CUZD1: variants seen among roughly 807,000 people sequenced by gnomAD.
CUZD1 encodes CUB and zona pellucida like domains 1, also known as CUB and zona pellucida-like domain-containing protein 1.
In CUZD1, 42 loss-of-function variants were observed where a neutral mutation model predicts 53.1. The observed-to-expected ratio is 0.79, with a 90% CI of 0.62 to 1.02. CUZD1 has a LOEUF of 1.02. Ranked by LOEUF, CUZD1 falls within the 50% of genes least tolerant of loss-of-function variation. The pLI is 0.00. For missense variants in CUZD1, 670 were observed against 715.7 expected (o/e 0.94, Z 0.73); for synonymous variants, 238 against 257.2 (o/e 0.93, Z 0.71).
intron 1 of CUZD1, among the ~76,000 whole-genome samples, chr10:122,844,918 T>C (rs1297782297): frequency 6.6e-6 from 1 of 152,144 alleles, no homozygotes; most frequent in African/African-American, 2.4e-5. Context: ...AAAACCTTGG[T>C]GTAAATTCTT....
Position 122,839,165 on chromosome 10 carries a change from C to T in CUZD1, c.300G>A (p.Gly100=), listed in dbSNP as rs548655795. 1.2e-6 allele frequency: 2 copies of T among 1,614,140 alleles called. No individual in the cohort carries two copies. The highest frequency in any genetic ancestry group is 1.1e-5 in the South Asian group (1 of 91,080). Residue 100 remains glycine (G), a synonymous_variant, in exon 3 of 9, where the codon GGG becomes GGA. Coordinates refer to ENST00000392790, the MANE Select transcript of CUZD1 (RefSeq NM_022034.6). The part of the protein sequence containing the change: ...IKVFDGTSSN[G]PLLGQVCSKN... ...TACTGCAGACTTGCCCTAGCAGAGG[C>T]CCATTGCTGGAGGTTCCGTCAAAGA...
intron 8 of CUZD1, 86 bp downstream of exon 8, chr10:122,833,586 C>T: frequency 7.4e-7 from 1 of 1,359,062 alleles, no homozygotes; most frequent in Non-Finnish European, 1.0e-6. Flanking sequence ...AATCTCTAAA[C>T]TGTACATGCT....
At position 122,832,329 on chromosome 10, in the gene CUZD1, A is replaced by G; in HGVS notation, c.1773T>C (p.His591=). Reference sequence around the variant, plus strand: ...TGTAGTCTGCCCGTTGATTTACAAAATGCCTCACTGTGATTGTCGCTACAG... The same window carrying G: ...TGTAGTCTGCCCGTTGATTTACAAAGTGCCTCACTGTGATTGTCGCTACAG... The part of the protein sequence containing the change: ...VVTVATITVR[H]FVNQRADYKY... Residue 591 remains histidine, a synonymous_variant, in exon 9 of 9, where the codon CAT becomes CAC. Coordinates refer to ENST00000392790, the MANE Select transcript of CUZD1 (RefSeq NM_022034.6). 6.2e-7 allele frequency: 1 copy of G among 1,614,174 alleles called. No individual in the cohort carries two copies. The highest frequency in any genetic ancestry group is 8.5e-7 in the Non-Finnish European group (1 of 1,180,002).
At chr10:122,840,343 C>T (rs984275972) in intron 2 of CUZD1, among the ~76,000 whole-genome samples, 4 of 152,130 alleles carry the variant, frequency 2.6e-5, no homozygotes, top group African/African-American at 9.7e-5. Context: ...TGGTGGGGCC[C>T]AGCAGTTGTG....
At chr10:122,839,674 T>C (rs771574630) in intron 2 of CUZD1, among the ~76,000 whole-genome samples, 5 of 152,184 alleles carry the variant, frequency 3.3e-5, no homozygotes, top group African/African-American at 7.2e-5. Flanking sequence ...AGCACCTCCC[T>C]AGTTGCTCCT....
chr10:122,834,632 A>C, intron 7 of CUZD1, 74 bp downstream of exon 7: 1 of 1,320,772 alleles, frequency 7.6e-7, no homozygotes, highest in Non-Finnish European at 1.0e-6. Flanking sequence ...TACACAACAC[A>C]AAAAATTACT....
intron 3 of CUZD1, 64 bp downstream of exon 3, chr10:122,838,953 C>T (rs762723038): frequency 1.1e-5 from 14 of 1,250,930 alleles, no homozygotes; most frequent in African/African-American, 4.5e-5. Context: ...AGAACCCGGA[C>T]AGAAGAGTGT....
rs765224448 is a variant in CUZD1, at chr10:122,841,311, CTG to C, written c.98_99del (p.Thr33SerfsTer23). ...GCCATATTGGCACCCCCTAGACTGA[CTG>C]TGCAGCTTGCATTGCCTGTTAGAGA... ...MAEAEGNASC[T>X]VSLGGANMAE... is the part of the protein sequence containing the mutation. On this transcript the variant is annotated frameshift_variant, in exon 2 of 9. Transcript: ENST00000392790. LOFTEE classifies it high-confidence loss of function. The C allele has an allele frequency of 2.5e-6, 4 of 1,608,972 alleles. No individual in the cohort carries two copies. The Admixed American group carries it at 6.8e-5, about 27-fold the overall frequency.
intron 7 of CUZD1, among the ~76,000 whole-genome samples, chr10:122,834,503 CTG>C (rs1247222475): frequency 2.0e-5 from 3 of 152,072 alleles, no homozygotes; most frequent in African/African-American, 7.2e-5. Flanking sequence ...TAGATATAAG[CTG>C]TGTCTGCATA....
intron 1 of CUZD1, 58 bp from the exon 2 acceptor site, chr10:122,841,386 G>A: frequency 2.7e-6 from 4 of 1,499,512 alleles, no homozygotes; most frequent in South Asian, 1.4e-5. Context: ...CCCTCCCTGA[G>A]AGATTAGGAA....
chr10:122,832,273 G>A lies in CUZD1; in HGVS notation c.*5C>T. ...ACATGTCTCACTTAGGGTTGGACCT[G>A]TTAGTTAATAGTTCTGCAGCTTCTG... On this transcript the variant is annotated 3_prime_UTR_variant, in exon 9 of 9. Coordinates refer to ENST00000392790, the MANE Select transcript of CUZD1 (RefSeq NM_022034.6). 1 of 1,613,736 alleles carries A rather than the reference G, an allele frequency of 6.2e-7. No individual in the cohort carries two copies. Among genetic ancestry groups the A allele is most frequent in the Non-Finnish European group, 8.5e-7 (1 of 1,179,708 alleles).
At position 122,839,063 on chromosome 10, in the gene CUZD1, A is replaced by C; in HGVS notation, c.402T>G (p.Ile134Met). 1 of 1,614,148 alleles carries C rather than the reference A, an allele frequency of 6.2e-7. No individual in the cohort carries two copies. The highest frequency in any genetic ancestry group is 8.5e-7 in the Non-Finnish European group (1 of 1,179,988). ...TFQIVTDSAR[I>M]QRTVFVFYYF... The stretch of plus-strand genomic sequence containing the variant: ...AGTAGAAGACAAAGACAGTTCTTTG[A>C]ATTCTTGCTGAGTCAGTAACTATTT... The change falls in exon 3 of 9, where the codon ATT (isoleucine) becomes ATG (methionine). Residue 134 changes from isoleucine (I) to methionine (M), a missense_variant. Physicochemically the swap from Ile to Met is conservative, Grantham distance 10. Transcript: ENST00000392790.
rs1302684274 is a variant in CUZD1 at position 122,835,027 on chromosome 10, G to A, written c.1061C>T (p.Thr354Ile). 1.2e-6 allele frequency: 2 copies of A among 1,613,052 alleles called. No homozygotes were observed. Among genetic ancestry groups the A allele is most frequent in the East Asian group, 2.2e-5 (1 of 44,848 alleles). Residue 354 changes from threonine to isoleucine, a missense_variant, in exon 7 of 9, where the codon ACC (threonine) becomes ATC (isoleucine). Coordinates refer to ENST00000392790, the MANE Select transcript of CUZD1 (RefSeq NM_022034.6). ...AATAATCTGGAGTTGTTTCTGACGG[G>A]TGATCACTTCAGAAGTTGAGGATGC... is the stretch of plus-strand genomic sequence containing the variant. ...FSASSTSEVI[T>I]RQKQLQIIVK... is the part of the protein sequence containing the mutation.
Position 122,836,843 on chromosome 10 carries a change from T to C in CUZD1, c.805A>G (p.Asn269Asp). 6.2e-7 allele frequency: 1 copy of C among 1,611,892 alleles called. No homozygotes were observed. Among genetic ancestry groups the C allele is most frequent in the Non-Finnish European group, 8.5e-7 (1 of 1,178,090 alleles). The change falls in exon 5 of 9, where the codon AAC becomes GAC. Residue 269 changes from asparagine to aspartate, a missense_variant. Asn to Asp is a conservative substitution (Grantham distance 23, BLOSUM62 1). Coordinates refer to ENST00000392790, the MANE Select transcript of CUZD1 (RefSeq NM_022034.6). ...AAACATGACTTACTAGTGTTGATGT[T>C]TTCTGCATAAATTGAGGTGTAGGAA... Reference protein sequence around the residue: ...SASYTSIYAENINTTSLTCSS... With the variant: ...SASYTSIYAEDINTTSLTCSS...
chr10:122,835,678 G>T (rs1847238372), intron 6 of CUZD1, among the ~76,000 whole-genome samples: 1 of 152,166 alleles, frequency 6.6e-6, no homozygotes, highest in Non-Finnish European at 1.5e-5. Context: ...GAGACCAAAG[G>T]TTGAAAATGT....
chr10:122,833,944 G>C lies in CUZD1; in HGVS notation c.1383-4C>G. 1.2e-6 allele frequency: 2 copies of C among 1,608,590 alleles called. No individual in the cohort carries two copies. The highest frequency in any genetic ancestry group is 1.7e-6 in the Non-Finnish European group (2 of 1,177,212). On this transcript the variant is annotated splice_polypyrimidine_tract_variant and splice_region_variant and intron_variant, in intron 7 of 8. Transcript: ENST00000392790. ...ACAAGTTTCATCTCGACTACATCTG[G>C]AACAGAATTTATGAACATGTTTAGA...
chr10:122,837,338 C>G, intron 4 of CUZD1, 66 bp downstream of exon 4: 1 of 1,545,778 alleles, frequency 6.5e-7, no homozygotes, highest in South Asian at 1.1e-5. Context: ...TTCTCTTCCC[C>G]AAATCCCCCA....
At chr10:122,833,262 T>A (rs1232611502) in intron 8 of CUZD1, among the ~76,000 whole-genome samples, 2 of 152,192 alleles carry the variant, frequency 1.3e-5, no homozygotes, top group Non-Finnish European at 2.9e-5. Flanking sequence ...TCTTTTTTTT[T>A]AATAACTTTT....
At position 122,835,037 on chromosome 10, in the gene CUZD1, C is replaced by T. The variant is rs1847226571; in HGVS notation, c.1051G>A (p.Glu351Lys). Residue 351 changes from glutamate to lysine, a missense_variant, in exon 7 of 9, where the codon GAA becomes AAA. By Grantham distance (56) the Glu-to-Lys change is moderately conservative. Transcript: ENST00000392790. ...AGTTGTTTCTGACGGGTGATCACTT[C>T]AGAAGTTGAGGATGCAGAAAAGGTG... ...IITFSASSTS[E>K]VITRQKQLQI... is the part of the protein sequence containing the mutation. 1.2e-6 allele frequency: 2 copies of T among 1,611,394 alleles called. No homozygotes were observed. Among genetic ancestry groups the T allele is most frequent in the African/African-American group, 2.7e-5 (2 of 74,818 alleles).
Sources: allele counts gnomAD v4.1 joint callset (sites outside exome capture counted in the v4.1 genomes callset), GRCh38; gene constraint gnomAD v4.1.1; transcripts MANE v1.5; gene names NCBI Gene and HGNC (gene_info 2026-07-23, HGNC 2026-07-21).